RBCK1: variants seen among roughly 807,000 people sequenced by gnomAD.
RBCK1 encodes RANBP2-type and C3HC4-type zinc finger containing 1.
A neutral mutation model predicts 71.1 loss-of-function variants in RBCK1; 44 were observed. That is an observed-to-expected ratio of 0.62 (90% CI 0.49 to 0.80). The LOEUF is 0.80. Among genes scored for constraint, RBCK1 ranks in the 30% least tolerant of loss-of-function variants. The pLI is 0.00. For missense variants in RBCK1, 569 were observed against 685.0 expected (o/e 0.83, Z 1.89); for synonymous variants, 306 against 279.7 (o/e 1.09, Z -0.94).
chr20:410,634 C>T (rs1213713378), intron 2 of RBCK1: 1 of 756,970 alleles, frequency 1.3e-6, no homozygotes, highest in African/African-American at 1.7e-5. Context: ...CAGGGGTTCG[C>T]TTGGTAAGGG....
At chr20:410,598 T>C (rs1310701729) in intron 2 of RBCK1, 2 of 776,668 alleles carry the variant, frequency 2.6e-6, no homozygotes, top group Non-Finnish European at 4.8e-6. Context: ...GGGGAGACTG[T>C]ATAGCCAAGA....
At position 428,680 on chromosome 20, in the gene RBCK1, C is replaced by T. The variant is rs1012175656; in HGVS notation, c.1308+91C>T. 6 of 1,415,096 alleles carry T rather than the reference C, an allele frequency of 4.2e-6. No homozygotes were observed. The highest frequency in any genetic ancestry group is 1.4e-5 in the South Asian group (1 of 70,364). 87.7% of individuals were successfully genotyped at this position (1,415,096 alleles called of 1,614,324 possible). ...CTTCCCAGTAAGGGCTGTGCTCACACATCCCTGGAGGCTCTGACCTCCCTT... is the reference window on the plus strand; with the variant it reads ...CTTCCCAGTAAGGGCTGTGCTCACATATCCCTGGAGGCTCTGACCTCCCTT... On this transcript the variant is annotated intron_variant, in intron 10 of 11. Coordinates refer to ENST00000356286, the MANE Select transcript of RBCK1 (RefSeq NM_031229.4). The surrounding 1 kb of genome is among the most constrained non-coding windows in gnomAD (Gnocchi z 5.7).
rs2016040856 is a variant in RBCK1, at chr20:417,235, G to C, written c.168-291G>C. On this transcript the variant is annotated intron_variant, in intron 2 of 11. Coordinates refer to ENST00000356286, the MANE Select transcript of RBCK1 (RefSeq NM_031229.4). This position sits in a 1 kb window ranked among gnomAD's most constrained non-coding sequence, Gnocchi z 4.7. ...TTTCACTAAGGAGCAGGGGAGAGAAGACAGAAGAGGTTGGAGAGGTCAGGG... is the reference window on the plus strand; with the variant it reads ...TTTCACTAAGGAGCAGGGGAGAGAACACAGAAGAGGTTGGAGAGGTCAGGG... The C allele has an allele frequency of 1.6e-6, 1 of 620,920 alleles. No individual in the cohort carries two copies. Among genetic ancestry groups the C allele is most frequent in the Non-Finnish European group, 3.1e-6 (1 of 320,762 alleles). The allele number at this position is 620,920 out of a possible 1,614,324, so 38.5% of individuals were successfully genotyped here. A position where few individuals can be genotyped will look rare whatever the true frequency, so the allele number is the denominator to read the frequency against.
intron 6 of RBCK1, 113 bp from the exon 7 acceptor site, chr20:420,758 G>T (rs1202993407): frequency 1.4e-5 from 5 of 356,396 alleles, no homozygotes; most frequent in Non-Finnish European, 2.1e-5. Context: ...TCCCAGCTTT[G>T]CCTGTGGCTG....
chr20:424,378 G>A (rs533660392), intron 8 of RBCK1, among the ~76,000 whole-genome samples: 2 of 151,050 alleles, frequency 1.3e-5, no homozygotes, highest in South Asian at 2.1e-4. Context: ...CATGGCAGCC[G>A]AGGCCCAAAT....
intron 2 of RBCK1, chr20:410,523 G>A (rs369328889): frequency 3.7e-5 from 29 of 779,736 alleles, no homozygotes; most frequent in Non-Finnish European, 6.7e-5. Flanking sequence ...CTCAAAAATT[G>A]TACACACTTC....
intron 2 of RBCK1, chr20:410,462 A>G (rs1309292251): frequency 1.3e-6 from 1 of 779,694 alleles, no homozygotes; most frequent in Non-Finnish European, 2.4e-6. Flanking sequence ...CCATCACATC[A>G]CAGGAGGAAG....
rs759491343 is a variant in RBCK1 at position 428,960 on chromosome 20, C to T, written c.1318C>T (p.Gln440Ter). The change falls in exon 11 of 12, where the codon CAG (glutamine) becomes TAG (stop). Residue 440 changes from glutamine (Q) to a stop codon, truncating the protein, a stop_gained. Transcript: ENST00000356286. LOFTEE classifies it high-confidence loss of function. The surrounding 1 kb of genome is among the most constrained non-coding windows in gnomAD (Gnocchi z 5.7). ...QTTEMLKVMLQQGEAMRCPQC... is the reference protein window; with the variant it reads ...QTTEMLKVML ...ACCTGCCCCACTCCAGGTGATGCTG[C>T]AGCAGGGCGAGGCCATGCGCTGCCC... is the stretch of plus-strand genomic sequence containing the variant. 6.2e-7 allele frequency: 1 copy of T among 1,608,380 alleles called. No individual in the cohort carries two copies. The highest frequency in any genetic ancestry group is 8.5e-7 in the Non-Finnish European group (1 of 1,179,226).
rs2016788140 is a variant in RBCK1 at position 427,398 on chromosome 20, A to G, written c.1115A>G (p.Lys372Arg). The change falls in exon 9 of 12, where the codon AAG (lysine) becomes AGG (arginine). Residue 372 changes from lysine to arginine, a missense_variant. By Grantham distance (26) the Lys-to-Arg change is conservative. Transcript: ENST00000356286. ...ENRSAFSYHC[K>R]TPDCKGWCFF... Reference sequence around the variant, plus strand: ...CGCAGTGCCTTCAGCTACCATTGCAAGACCCCAGATTGCAAGGGATGGTGC... The same window carrying G: ...CGCAGTGCCTTCAGCTACCATTGCAGGACCCCAGATTGCAAGGGATGGTGC... The G allele has an allele frequency of 6.2e-7, 1 of 1,614,036 alleles. No homozygotes were observed. Among genetic ancestry groups the G allele is most frequent in the African/African-American group, 1.3e-5 (1 of 74,914 alleles).
chr20:419,798 G>T, intron 6 of RBCK1, 67 bp downstream of exon 6: 1 of 1,493,838 alleles, frequency 6.7e-7, no homozygotes, highest in Non-Finnish European at 8.9e-7. Flanking sequence ...CAGGAAGGGA[G>T]ACACCTGCGC....
At chr20:409,717 C>T (rs1001167220) in intron 1 of RBCK1, 164 bp from the exon 2 acceptor site, 29 of 1,097,960 alleles carry the variant, frequency 2.6e-5, no homozygotes, top group Middle Eastern at 2.1e-4. Flanking sequence ...GAACCCCTCC[C>T]GGAGAAAGGG....
At chr20:418,648 G>T (rs570391132) in intron 4 of RBCK1, among the ~76,000 whole-genome samples, 2 of 152,232 alleles carry the variant, frequency 1.3e-5, no homozygotes, top group Admixed American at 6.5e-5. Context: ...GATTACAGGC[G>T]TGAGCCACCA....
At position 430,626 on chromosome 20, in the gene RBCK1, C is replaced by T; in HGVS notation, c.*196C>T. 1.6e-6 allele frequency: 1 copy of T among 614,638 alleles called. No individual in the cohort carries two copies. Among genetic ancestry groups the T allele is most frequent in the South Asian group, 1.9e-5 (1 of 52,714 alleles). The allele number at this position is 614,638 out of a possible 1,614,324, so 38.1% of individuals were successfully genotyped here. On this transcript the variant is annotated 3_prime_UTR_variant, in exon 12 of 12. Coordinates refer to ENST00000356286, the MANE Select transcript of RBCK1 (RefSeq NM_031229.4). The surrounding 1 kb of genome is among the most constrained non-coding windows in gnomAD (Gnocchi z 5.6). Reference sequence around the variant, plus strand: ...GGCTTGCCGGCCAGACTTCTCTCCCCTGCGGCTCCCACCTCTGCCTGACCC... The same window carrying T: ...GGCTTGCCGGCCAGACTTCTCTCCCTTGCGGCTCCCACCTCTGCCTGACCC...
intron 2 of RBCK1, among the ~76,000 whole-genome samples, chr20:414,723 C>A (rs1267478468): frequency 6.6e-6 from 1 of 152,162 alleles, no homozygotes; most frequent in Non-Finnish European, 1.5e-5. Context: ...AAATATTATT[C>A]ACTATAGAAT....
intron 8 of RBCK1, among the ~76,000 whole-genome samples, chr20:426,415 C>A (rs6051942): frequency 6.6e-6 from 1 of 151,860 alleles, no homozygotes; most frequent in Admixed American, 6.6e-5. Flanking sequence ...TCAGTTGTTT[C>A]GATTTTTAGC....
chr20:418,469 C>T (rs889883421), intron 4 of RBCK1, among the ~76,000 whole-genome samples: 8 of 152,064 alleles, frequency 5.3e-5, no homozygotes, highest in Non-Finnish European at 7.4e-5. Context: ...CCCGGGTTCA[C>T]GCCATTCTCC....
At position 408,615 on chromosome 20, in the gene RBCK1, G is replaced by A. The variant is rs530484939; in HGVS notation, c.-143G>A. On this transcript the variant is annotated 5_prime_UTR_variant, in exon 1 of 12. Transcript: ENST00000356286. ...TTCCCGACTGCCGCGGGGACAGCGA[G>A]GCACACACAGGGCTTGGGCCGCGCC... 8.2e-4 allele frequency: 828 copies of A among 1,005,684 alleles called. 4 individuals are homozygous for A. The highest frequency in any genetic ancestry group is 4.9e-3 in the Middle Eastern group (19 of 3,898). The allele number at this position is 1,005,684 out of a possible 1,614,324, so 62.3% of individuals were successfully genotyped here.
rs1568546360 is a variant in RBCK1, at chr20:408,575, C to T, written c.-183C>T. 3 of 737,796 alleles carry T rather than the reference C, an allele frequency of 4.1e-6. No individual in the cohort carries two copies. The highest frequency in any genetic ancestry group is 3.6e-4 in the Middle Eastern group (1 of 2,766). The allele number at this position is 737,796 out of a possible 1,614,324, so 45.7% of individuals were successfully genotyped here. The stretch of plus-strand genomic sequence containing the variant: ...CCACGCAGGATCCCGGCCTGGTCAC[C>T]GGGCAGTGTGATGCTTCCCGACTGC... On this transcript the variant is annotated 5_prime_UTR_variant, in exon 1 of 12. Transcript: ENST00000356286.
chr20:418,375 CTT>C (rs563108799), intron 4 of RBCK1, among the ~76,000 whole-genome samples: 1 of 148,118 alleles, frequency 6.8e-6, no homozygotes, highest in African/African-American at 2.5e-5. Context: ...CATGTGCTTT[CTT>C]TTTTTTTTTG....
Sources: gnomAD v4.1 joint callset for allele counts (sites outside exome capture counted in the v4.1 genomes callset) on GRCh38, gnomAD v4.1.1 for gene constraint, Gnocchi (gnomAD v3.1) non-coding constraint, MANE v1.5 for transcripts, NCBI Gene and HGNC (gene_info 2026-07-23, HGNC 2026-07-21) for gene names.